The following BRD10 variants were observed in gnomAD, a reference collection of about 807,000 sequenced individuals.
BRD10 encodes uncharacterized bromodomain-containing protein 10.
the BRD10 span, chr9:5,922,660 A>G: frequency 6.2e-7 from 1 of 1,613,990 alleles, no homozygotes; most frequent in Non-Finnish European, 8.5e-7. Context: ...CTTTATGCTG[A>G]ATCACAAAAT....
At chr9:5,908,883 G>A in the BRD10 span, 19 of 575,392 alleles carry the variant, frequency 3.3e-5, no homozygotes, top group South Asian at 4.2e-4. Context: ...AATCATGTGA[G>A]GAAATGATGA....
the BRD10 span, among the ~76,000 whole-genome samples, chr9:5,961,747 A>G: frequency 1.3e-5 from 2 of 152,214 alleles, no homozygotes; most frequent in Non-Finnish European, 2.9e-5. Flanking sequence ...AAATGAATTC[A>G]AAACTTAAAA....
At chr9:5,965,056 TA>T in the BRD10 span, among the ~76,000 whole-genome samples, 74,657 of 118,226 alleles carry the variant, frequency 0.63, 22,037 homozygotes, top group Non-Finnish European at 0.71. Flanking sequence ...TAAAGTATAA[TA>T]AAAAAAAAAA....
chr9:5,923,374 C>G, the BRD10 span: 1 of 1,231,468 alleles, frequency 8.1e-7, no homozygotes, highest in Non-Finnish European at 1.1e-6. Flanking sequence ...ATAACATCAA[C>G]TGTAAAAAAG....
the BRD10 span, chr9:5,921,772 T>C: frequency 1.2e-6 from 2 of 1,613,996 alleles, no homozygotes; most frequent in Non-Finnish European, 1.7e-6. Flanking sequence ...TTGTTGTTGA[T>C]GGTAGTAGAG....
the BRD10 span, chr9:5,909,835 T>C: frequency 2.0e-5 from 3 of 152,262 alleles, no homozygotes; most frequent in Non-Finnish European, 2.9e-5. Context: ...ATGGTGTCAT[T>C]ATTTGCATAG....
the BRD10 span, among the ~76,000 whole-genome samples, chr9:5,965,317 C>CAA: frequency 6.9e-6 from 1 of 144,286 alleles, no homozygotes; most frequent in South Asian, 2.2e-4. Flanking sequence ...AAAATAAATT[C>CAA]AAAAAAAAAA....
chr9:5,928,919 G>A, the BRD10 span: 54 of 550,506 alleles, frequency 9.8e-5, 1 homozygote, highest in East Asian at 1.5e-3. Context: ...CACACAGTGG[G>A]CAGTCAAAAA....
chr9:5,921,497 C>A, the BRD10 span: 2 of 1,613,870 alleles, frequency 1.2e-6, no homozygotes, highest in South Asian at 2.2e-5. Context: ...GGCAGAAACA[C>A]CTGTAGATGT....
At chr9:5,972,483 G>A in the BRD10 span, among the ~76,000 whole-genome samples, 166 of 152,336 alleles carry the variant, frequency 1.1e-3, no homozygotes, top group African/African-American at 3.8e-3. Context: ...GCGCAGCCCA[G>A]TTACAGGTGT....
the BRD10 span, among the ~76,000 whole-genome samples, chr9:5,934,135 G>C: frequency 6.7e-6 from 1 of 150,182 alleles, no homozygotes; most frequent in Non-Finnish European, 1.5e-5. Flanking sequence ...TTTTAAAATG[G>C]AGATGGTATT....
chr9:5,966,423 A>G, the BRD10 span, among the ~76,000 whole-genome samples: 1 of 146,032 alleles, frequency 6.8e-6, no homozygotes, highest in African/African-American at 2.5e-5. Context: ...TAATTTTAAA[A>G]TATTATTTAA....
the BRD10 span, among the ~76,000 whole-genome samples, chr9:5,975,472 G>C: frequency 7.2e-6 from 1 of 138,858 alleles, no homozygotes; most frequent in African/African-American, 2.7e-5. Flanking sequence ...AAAAGATTTA[G>C]CAATAAGGTC....
the BRD10 span, chr9:5,908,860 C>T: frequency 2.3e-5 from 15 of 647,216 alleles, no homozygotes; most frequent in African/African-American, 3.7e-5. Context: ...TTAGTAGGTC[C>T]GCTAGCAGTA....
At chr9:5,966,587 G>A in the BRD10 span, among the ~76,000 whole-genome samples, 1 of 149,404 alleles carries the variant, frequency 6.7e-6, no homozygotes, top group African/African-American at 2.5e-5. Context: ...AGCCTCCCGA[G>A]TAGCTGGGAC....
chr9:5,973,523 G>A, the BRD10 span, among the ~76,000 whole-genome samples: 1 of 152,102 alleles, frequency 6.6e-6, no homozygotes, highest in Non-Finnish European at 1.5e-5. Flanking sequence ...TAGCAAATAA[G>A]CTGGGAGAAA....
the BRD10 span, among the ~76,000 whole-genome samples, chr9:5,952,965 C>G: frequency 6.6e-6 from 1 of 152,004 alleles, no homozygotes; most frequent in African/African-American, 2.4e-5. Flanking sequence ...CTAAGAATAT[C>G]ATTAAAAATA....
the BRD10 span, chr9:5,922,761 G>C: frequency 6.2e-7 from 1 of 1,613,952 alleles, no homozygotes; most frequent in Non-Finnish European, 8.5e-7. Flanking sequence ...GAGCTATTTT[G>C]AAGATCTATT....
the BRD10 span, among the ~76,000 whole-genome samples, chr9:5,938,830 A>G: frequency 6.6e-6 from 1 of 152,222 alleles, no homozygotes; most frequent in Non-Finnish European, 1.5e-5. Context: ...TATATCGTAC[A>G]CATGATGTGA....
Sources: gnomAD v4.1 joint callset for allele counts (sites outside exome capture counted in the v4.1 genomes callset) on GRCh38, gnomAD v4.1.1 for gene constraint, MANE v1.5 for transcripts, NCBI Gene and HGNC (gene_info 2026-07-23, HGNC 2026-07-21) for gene names.